SLAMF6: variants seen among roughly 807,000 people sequenced by gnomAD.
SLAMF6 encodes NK-T-B-antigen.
SLAMF6 carries 21 observed loss-of-function variants against 38.3 expected under a neutral mutation model. That is an observed-to-expected ratio of 0.55 (90% CI 0.39 to 0.79). The LOEUF (loss-of-function observed/expected upper bound fraction) is 0.79, where lower values mean the gene tolerates loss of function less well. Ranked by LOEUF, SLAMF6 falls within the 30% of genes least tolerant of loss-of-function variation. The pLI is 0.00. For synonymous variants in SLAMF6, 152 were observed against 146.3 expected (o/e 1.04, Z -0.28); for missense variants, 341 against 385.3 (o/e 0.89, Z 0.96).
chr1:160,499,846 AC>A (rs1212574426), intron 1 of SLAMF6, among the ~76,000 whole-genome samples: 6 of 152,312 alleles, frequency 3.9e-5, no homozygotes, highest in African/African-American at 1.2e-4. Context: ...AGGCACATGA[AC>A]ATTGCTGTCA....
chr1:160,490,346 C>T, intron 4 of SLAMF6, 110 bp from the exon 5 acceptor site: 3 of 1,543,454 alleles, frequency 1.9e-6, no homozygotes, highest in Non-Finnish European at 2.7e-6. Context: ...AAAGGAAGGG[C>T]AAGCAGCCCT....
chr1:160,521,232 T>G lies in SLAMF6; in HGVS notation c.49+1912A>C, dbSNP rs1297750577. ...CTCTCCTCCTGGGTCTCAGAACACC[T>G]GCATCTGCCTCCTGTAAACTCATTC... On this transcript the variant is annotated intron_variant, in intron 1 of 7. Transcript: ENST00000368057. Among the ~76,000 whole-genome samples, 74 of 152,314 alleles carry G rather than the reference T, an allele frequency of 4.9e-4. 3 individuals are homozygous for G. In the South Asian group the frequency reaches 0.015, roughly 31 times the overall value.
chr1:160,495,193 C>G (rs930218125), intron 2 of SLAMF6, among the ~76,000 whole-genome samples: 1 of 152,194 alleles, frequency 6.6e-6, no homozygotes, highest in Non-Finnish European at 1.5e-5. Context: ...TTAGACACTA[C>G]AGGCCCTCAA....
chr1:160,509,147 TTAC>T (rs1654341013), intron 1 of SLAMF6, among the ~76,000 whole-genome samples: 1 of 152,198 alleles, frequency 6.6e-6, no homozygotes, highest in South Asian at 2.1e-4. Flanking sequence ...AGCCATCCCA[TTAC>T]TGGGTATAAA....
intron 6 of SLAMF6, among the ~76,000 whole-genome samples, chr1:160,487,978 T>G (rs1215716846): frequency 6.6e-6 from 1 of 151,600 alleles, no homozygotes; most frequent in East Asian, 1.9e-4. Context: ...TAGTCGCAGC[T>G]ACTTGGGAGG....
intron 1 of SLAMF6, among the ~76,000 whole-genome samples, chr1:160,519,481 G>A (rs1654890457): frequency 6.6e-6 from 1 of 152,122 alleles, no homozygotes; most frequent in African/African-American, 2.4e-5. Flanking sequence ...GATAAAAACA[G>A]GTAGTCAAAT....
intron 1 of SLAMF6, among the ~76,000 whole-genome samples, chr1:160,512,413 A>G (rs1415806975): frequency 1.3e-5 from 2 of 152,108 alleles, no homozygotes; most frequent in African/African-American, 4.8e-5. Context: ...GGATCATCAG[A>G]CTTAGTCTTT....
intron 1 of SLAMF6, among the ~76,000 whole-genome samples, chr1:160,510,221 G>A (rs934991034): frequency 3.3e-5 from 5 of 152,074 alleles, no homozygotes; most frequent in Middle Eastern, 6.8e-3. Context: ...TAGAAGAGGA[G>A]AAAAACACTT....
At chr1:160,517,277 C>G (rs1654789110) in intron 1 of SLAMF6, among the ~76,000 whole-genome samples, 1 of 152,156 alleles carries the variant, frequency 6.6e-6, no homozygotes, top group African/African-American at 2.4e-5. Flanking sequence ...CATCACTGAT[C>G]ATTAGAAAAA....
chr1:160,499,784 C>T (rs530595246), intron 1 of SLAMF6, among the ~76,000 whole-genome samples: 2 of 152,266 alleles, frequency 1.3e-5, no homozygotes, highest in African/African-American at 4.8e-5. Context: ...GTGCTCAGCT[C>T]CTGGGTGAGC....
chr1:160,522,237 C>T (rs1432463561), intron 1 of SLAMF6, among the ~76,000 whole-genome samples: 1 of 152,172 alleles, frequency 6.6e-6, no homozygotes, highest in Non-Finnish European at 1.5e-5. Context: ...ATTAAGTTCA[C>T]CTCAGTTCTT....
chr1:160,502,625 T>G (rs917754508), intron 1 of SLAMF6, among the ~76,000 whole-genome samples: 3 of 152,162 alleles, frequency 2.0e-5, no homozygotes, highest in Non-Finnish European at 4.4e-5. Context: ...AAACATGAAG[T>G]ATTTTTGAAA....
intron 1 of SLAMF6, 63 bp from the exon 2 acceptor site, chr1:160,496,456 C>A (rs763631289): frequency 4.0e-6 from 6 of 1,518,534 alleles, no homozygotes; most frequent in Non-Finnish European, 5.4e-6. Context: ...AAGTCCTGCA[C>A]CCTTTCACCT....
chr1:160,494,317 C>A (rs906103516), intron 2 of SLAMF6, among the ~76,000 whole-genome samples: 1 of 152,122 alleles, frequency 6.6e-6, no homozygotes. Context: ...CATACCTGGT[C>A]TTCTCAACAA....
At chr1:160,487,373 C>T (rs1030739957) in intron 6 of SLAMF6, among the ~76,000 whole-genome samples, 198 bp from the exon 7 acceptor site, 2 of 152,134 alleles carry the variant, frequency 1.3e-5, no homozygotes, top group Non-Finnish European at 2.9e-5. Context: ...TCCTGAGCCC[C>T]AAACAGAACA....
intron 7 of SLAMF6, 68 bp downstream of exon 7, chr1:160,487,036 T>C (rs1051580172): frequency 1.4e-6 from 2 of 1,391,396 alleles, no homozygotes; most frequent in African/African-American, 2.9e-5. Flanking sequence ...ATTTTTACTT[T>C]ATTTGAAAAA....
chr1:160,490,454 A>G (rs1653224295), intron 4 of SLAMF6, 121 bp downstream of exon 4: 5 of 1,401,232 alleles, frequency 3.6e-6, no homozygotes, highest in African/African-American at 1.5e-5. Context: ...TAGCTGAGCC[A>G]GGGTTTGCAG....
At position 160,485,872 on chromosome 1, in the gene SLAMF6, G is replaced by C. The variant is rs908371048; in HGVS notation, c.*835C>G. On this transcript the variant is annotated 3_prime_UTR_variant, in exon 8 of 8. Coordinates refer to ENST00000368057, the MANE Select transcript of SLAMF6 (RefSeq NM_001184714.2). ...TTCTGAGGTAGAGTCCAAAGGGCCT[G>C]GTGACAAAGACACTGGAGTCAGGGA... 1 of 152,646 alleles carries C rather than the reference G, an allele frequency of 6.6e-6. No individual in the cohort carries two copies. The highest frequency in any genetic ancestry group is 2.1e-4 in the South Asian group (1 of 4,818). 9.5% of individuals were successfully genotyped at this position (152,646 alleles called of 1,614,324 possible). A position where few individuals can be genotyped will look rare whatever the true frequency, so the allele number is the denominator to read the frequency against.
chr1:160,486,631 G>C lies in SLAMF6; in HGVS notation c.*76C>G. 2.8e-6 allele frequency: 4 copies of C among 1,451,454 alleles called. No homozygotes were observed. The highest frequency in any genetic ancestry group is 3.9e-6 in the Non-Finnish European group (4 of 1,035,360). 89.9% of individuals were successfully genotyped at this position (1,451,454 alleles called of 1,614,324 possible). A position where few individuals can be genotyped will look rare whatever the true frequency, so the allele number is the denominator to read the frequency against. Reference sequence around the variant, plus strand: ...TGTTGCCAGGAACAACAGGAACCAAGCTTCCTGTTCTTTGTTCTGTCTCAT... The same window carrying C: ...TGTTGCCAGGAACAACAGGAACCAACCTTCCTGTTCTTTGTTCTGTCTCAT... On this transcript the variant is annotated 3_prime_UTR_variant, in exon 8 of 8. Coordinates refer to ENST00000368057, the MANE Select transcript of SLAMF6 (RefSeq NM_001184714.2).
Sources: allele counts gnomAD v4.1 joint callset (sites outside exome capture counted in the v4.1 genomes callset), GRCh38; gene constraint gnomAD v4.1.1; transcripts MANE v1.5; gene names NCBI Gene and HGNC (gene_info 2026-07-23, HGNC 2026-07-21).